Variants in GPCPD1 observed in about 807,000 individuals in gnomAD.
GPCPD1 encodes the protein glycerophosphocholine phosphodiesterase GPCPD1.
GPCPD1 carries 29 observed loss-of-function variants against 89.2 expected under a neutral mutation model. The observed-to-expected ratio is 0.33, with a 90% CI of 0.24 to 0.44. GPCPD1 has a LOEUF of 0.44. Ranked by LOEUF, GPCPD1 falls within the 20% of genes least tolerant of loss-of-function variation. The pLI is 1.00. For synonymous variants in GPCPD1, 258 were observed against 266.3 expected (o/e 0.97, Z 0.30); for missense variants, 594 against 808.9 (o/e 0.73, Z 3.22).
intron 12 of GPCPD1, chr20:5,567,916 A>C (rs145138110): frequency 4.0e-4 from 67 of 168,878 alleles, no homozygotes; most frequent in Non-Finnish European, 5.9e-4. Context: ...TTTGATACTT[A>C]TCCATACTAC....
chr20:5,601,251 C>T (rs530690062), intron 2 of GPCPD1, among the ~76,000 whole-genome samples: 11 of 151,772 alleles, frequency 7.2e-5, no homozygotes, highest in Non-Finnish European at 1.5e-4. Context: ...ACCTATAGTC[C>T]CAGTTCCTCA....
intron 1 of GPCPD1, among the ~76,000 whole-genome samples, chr20:5,604,774 T>TATAC (rs1555811051): frequency 3.8e-4 from 53 of 139,178 alleles, no homozygotes; most frequent in Non-Finnish European, 7.4e-4. Flanking sequence ...GCCTCATGTC[T>TATAC]ACACACACAC....
intron 1 of GPCPD1, among the ~76,000 whole-genome samples, chr20:5,605,616 T>C (rs748177685): frequency 6.6e-6 from 1 of 152,028 alleles, no homozygotes; most frequent in African/African-American, 2.4e-5. Flanking sequence ...CCGTCTCTAC[T>C]AAAAATACAA....
chr20:5,600,990 G>A (rs754506300), intron 2 of GPCPD1, among the ~76,000 whole-genome samples: 7 of 151,632 alleles, frequency 4.6e-5, no homozygotes, highest in Non-Finnish European at 8.8e-5. Context: ...ACTCTGTCTC[G>A]AAAAAAATTT....
intron 3 of GPCPD1, among the ~76,000 whole-genome samples, chr20:5,598,362 C>T (rs1033099769): frequency 1.3e-5 from 2 of 152,064 alleles, no homozygotes; most frequent in African/African-American, 4.8e-5. Context: ...GCTAGGATCA[C>T]ACCACTGTAC....
chr20:5,583,491 T>C (rs1978699892), intron 6 of GPCPD1, among the ~76,000 whole-genome samples: 1 of 152,078 alleles, frequency 6.6e-6, no homozygotes, highest in Non-Finnish European at 1.5e-5. Flanking sequence ...GAGGCTGCAG[T>C]GAGCCGAGAC....
At chr20:5,610,800 G>A in intron 1 of GPCPD1, 42 bp downstream of exon 1, 1 of 150,882 alleles carries the variant, frequency 6.6e-6, no homozygotes, top group South Asian at 1.9e-4. Context: ...AGCCCGCCAC[G>A]TGAGTGGCCG....
chr20:5,598,941 C>A, intron 2 of GPCPD1, 120 bp from the exon 3 acceptor site: 1 of 690,770 alleles, frequency 1.4e-6, no homozygotes, highest in Admixed American at 2.2e-5. Context: ...ATGAAAGAGC[C>A]TCACTAGATA....
intron 19 of GPCPD1, among the ~76,000 whole-genome samples, chr20:5,549,905 AAC>A (rs1399093998): frequency 9.2e-5 from 14 of 152,236 alleles, no homozygotes; most frequent in African/African-American, 2.9e-4. Flanking sequence ...TGAAAAACTC[AAC>A]AGAGGCCAGG....
intron 8 of GPCPD1, among the ~76,000 whole-genome samples, chr20:5,577,160 G>A (rs969161316): frequency 2.0e-5 from 3 of 149,136 alleles, no homozygotes; most frequent in African/African-American, 7.4e-5. Flanking sequence ...CGCCTCCCAG[G>A]TTCAAGCAAT....
chr20:5,592,041 G>A (rs539731253), intron 4 of GPCPD1, among the ~76,000 whole-genome samples: 1 of 152,340 alleles, frequency 6.6e-6, no homozygotes, highest in South Asian at 2.1e-4. Flanking sequence ...TTTCAATGAA[G>A]AGGATAAATA....
intron 6 of GPCPD1, among the ~76,000 whole-genome samples, chr20:5,582,749 C>T (rs1295554688): frequency 2.0e-5 from 3 of 151,732 alleles, no homozygotes; most frequent in East Asian, 1.9e-4. Flanking sequence ...ATTAGCCAGG[C>T]GTGATGACAC....
rs374507040 is a variant in GPCPD1 at position 5,598,713 on chromosome 20, T to C, written c.146+12A>G. The C allele has an allele frequency of 8.4e-5, 126 of 1,496,650 alleles. No homozygotes were observed. Among genetic ancestry groups the C allele is most frequent in the Non-Finnish European group, 1.1e-4 (123 of 1,072,802 alleles). 92.7% of individuals were successfully genotyped at this position (1,496,650 alleles called of 1,614,324 possible). ...TCACAGTTATTCTGTAACCTCACATTTCCATACTCACCTTTCACCTGTGTC... is the reference window on the plus strand; with the variant it reads ...TCACAGTTATTCTGTAACCTCACATCTCCATACTCACCTTTCACCTGTGTC... On this transcript the variant is annotated intron_variant, in intron 3 of 19. Transcript: ENST00000379019.
intron 2 of GPCPD1, among the ~76,000 whole-genome samples, chr20:5,601,555 G>C (rs1252425918): frequency 6.6e-6 from 1 of 151,832 alleles, no homozygotes; most frequent in Non-Finnish European, 1.5e-5. Flanking sequence ...TTTTAGTAGA[G>C]ACGGAGTTTC....
At chr20:5,589,285 G>A (rs1459625992) in intron 4 of GPCPD1, among the ~76,000 whole-genome samples, 1 of 152,020 alleles carries the variant, frequency 6.6e-6, no homozygotes. Context: ...ACTTTAGAAG[G>A]CAATCTTAAA....
chr20:5,566,704 GA>G, intron 14 of GPCPD1, 28 bp downstream of exon 14: 1 of 1,372,192 alleles, frequency 7.3e-7, no homozygotes, highest in Non-Finnish European at 1.0e-6. Flanking sequence ...ACTACAAAAG[GA>G]AAACAGTGTT....
Position 5,546,790 on chromosome 20 carries a change from T to C in GPCPD1, c.*871A>G, listed in dbSNP as rs1390532255. The stretch of plus-strand genomic sequence containing the variant: ...TATTTAAAACGCCTACAAACAGCCT[T>C]TTTTTTTTAGGCAACAAAATACGTC... On this transcript the variant is annotated 3_prime_UTR_variant, in exon 20 of 20. Coordinates refer to ENST00000379019, the MANE Select transcript of GPCPD1 (RefSeq NM_019593.5). The C allele has an allele frequency of 8.1e-6, 1 of 122,974 alleles. No homozygotes were observed. Among genetic ancestry groups the C allele is most frequent in the Admixed American group, 8.0e-5 (1 of 12,576 alleles). The allele number at this position is 122,974 out of a possible 1,614,324, so 7.6% of individuals were successfully genotyped here.
In GPCPD1 at chr20:5,604,622, G is replaced by GA. The variant is rs955884769; in HGVS notation, c.-28-183_-28-182insT. Among the ~76,000 whole-genome samples the GA allele has an allele frequency of 5.0e-5, 4 of 80,546 alleles. 1 individual carries two copies. The highest frequency in any genetic ancestry group is 1.0e-4 in the Non-Finnish European group (4 of 39,682). The allele number at this position is 80,546 out of a possible 152,430, so 52.8% of individuals were successfully genotyped here. ...AAGTAACTTTAGTGCGGGGGGGGGG[G>GA]GGCGGGAAAGAAACAAGTGAAAAAG... On this transcript the variant is annotated intron_variant, in intron 1 of 19. Transcript: ENST00000379019.
At position 5,546,503 on chromosome 20, in the gene GPCPD1, ATTCT is replaced by A. The variant is rs1985031315; in HGVS notation, c.*1154_*1157del. 4 of 152,360 alleles carry A rather than the reference ATTCT, an allele frequency of 2.6e-5. No individual in the cohort carries two copies. The highest frequency in any genetic ancestry group is 4.4e-5 in the Non-Finnish European group (3 of 68,030). 9.4% of individuals were successfully genotyped at this position (152,360 alleles called of 1,614,324 possible). ...ATCTGTATCATTTTATTTAACATTC[ATTCT>A]TTAAGTTACAGTTAACACAATCTGC... On this transcript the variant is annotated 3_prime_UTR_variant, in exon 20 of 20. Coordinates refer to ENST00000379019, the MANE Select transcript of GPCPD1 (RefSeq NM_019593.5).
Sources: gnomAD v4.1 joint callset for allele counts (sites outside exome capture counted in the v4.1 genomes callset) on GRCh38, gnomAD v4.1.1 for gene constraint, MANE v1.5 for transcripts, NCBI Gene and HGNC (gene_info 2026-07-23, HGNC 2026-07-21) for gene names.